RNF14: variants seen among roughly 807,000 people sequenced by gnomAD.
RNF14 encodes the protein ring finger protein 14.
In RNF14, 26 loss-of-function variants were observed where a neutral mutation model predicts 52.6. The observed-to-expected ratio is 0.49, with a 90% CI of 0.36 to 0.69. The LOEUF is 0.69. Ranked by LOEUF, RNF14 falls within the 30% of genes least tolerant of loss-of-function variation. The pLI, the probability that RNF14 is intolerant of heterozygous loss-of-function variation, is 0.00. For missense variants in RNF14, 404 were observed against 560.4 expected (o/e 0.72, Z 2.82); for synonymous variants, 194 against 202.0 (o/e 0.96, Z 0.34).
upstream of RNF14, among the ~76,000 whole-genome samples, chr5:141,965,669 C>A (rs1022356952): frequency 6.6e-6 from 1 of 152,118 alleles, no homozygotes; most frequent in Non-Finnish European, 1.5e-5. Flanking sequence ...ACTGGCCAAA[C>A]CTTAGTGCCT....
chr5:141,958,345 C>A, exon 1 of RNF14: 1 of 157,748 alleles, frequency 6.3e-6, no homozygotes, highest in South Asian at 1.9e-4. Context: ...GAGGCCGGGG[C>A]TCCGGGGACA....
At chr5:141,949,709 T>G in the RNF14 span, 5 of 1,092,784 alleles carry the variant, frequency 4.6e-6, no homozygotes, top group Non-Finnish European at 6.5e-6. Flanking sequence ...GCCTCTAGAG[T>G]CAGACCAACC....
upstream of RNF14, among the ~76,000 whole-genome samples, chr5:141,953,836 T>C (rs1262080446): frequency 1.3e-5 from 2 of 152,158 alleles, no homozygotes; most frequent in African/African-American, 4.8e-5. Context: ...GAGGAGGGAA[T>C]AGGGAAGGAA....
intron 8 of RNF14, among the ~76,000 whole-genome samples, chr5:141,987,184 G>C (rs182298210): frequency 1.1e-4 from 17 of 152,298 alleles, no homozygotes; most frequent in Admixed American, 3.9e-4. Context: ...AGTGAGGGAG[G>C]GGGGTATGAC....
chr5:141,955,802 G>C (rs762460872), upstream of RNF14: 6 of 1,613,742 alleles, frequency 3.7e-6, no homozygotes, highest in East Asian at 2.2e-5. This position sits in a 1 kb window ranked among gnomAD's most constrained non-coding sequence, Gnocchi z 5.5. Context: ...GTCTGTAAGG[G>C]GGGGCTTCCC....
chr5:141,956,578 T>A, upstream of RNF14: 1 of 1,614,200 alleles, frequency 6.2e-7, no homozygotes, highest in Non-Finnish European at 8.5e-7. Flanking sequence ...GAGGGTATAT[T>A]TGGGCCACTG....
At chr5:141,956,889 A>T, upstream of RNF14, 1 of 1,614,190 alleles carries the variant, frequency 6.2e-7, no homozygotes, top group Non-Finnish European at 8.5e-7. Context: ...TTGCCTGAAC[A>T]TCCACCTCGT....
intron 6 of RNF14, chr5:141,981,669 T>C (rs1201344995): frequency 6.6e-6 from 1 of 151,816 alleles, no homozygotes; most frequent in African/African-American, 2.4e-5. Context: ...TTTGACACTA[T>C]GGCAAAACCC....
Position 141,978,778 on chromosome 5 carries a change from A to G in RNF14, c.782A>G (p.Gln261Arg), listed in dbSNP as rs1288805276. The change falls in exon 5 of 9, where the codon CAA becomes CGA. Residue 261 changes from glutamine (Q) to arginine (R), a missense_variant. Physicochemically the swap from Gln to Arg is conservative, Grantham distance 43 (BLOSUM62 1). Transcript: ENST00000394520. ...FEIQIRDGQV[Q>R]CLNCPEPKCP... ...ATCCAGATCAGAGATGGCCAGGTTC[A>G]ATGCCTCAACTGCCCAGAACCAAAG... 1.9e-6 allele frequency: 3 copies of G among 1,613,988 alleles called. No individual in the cohort carries two copies. Among genetic ancestry groups the G allele is most frequent in the East Asian group, 2.2e-5 (1 of 44,890 alleles).
At chr5:141,985,372 C>A (rs252102) in intron 8 of RNF14, among the ~76,000 whole-genome samples, 82,063 of 152,020 alleles carry the variant, frequency 0.54, 23,807 homozygotes, top group East Asian at 0.98. Flanking sequence ...ATGATAGTGG[C>A]ATACTATTAT....
At chr5:141,963,761 T>C (rs1041455427), upstream of RNF14, among the ~76,000 whole-genome samples, 1 of 152,228 alleles carries the variant, frequency 6.6e-6, no homozygotes, top group East Asian at 1.9e-4. Flanking sequence ...TTTTTCTTCA[T>C]ATAGAATCTA....
the RNF14 span, chr5:141,949,490 G>A: frequency 1.2e-6 from 2 of 1,613,990 alleles, no homozygotes; most frequent in South Asian, 1.1e-5. Context: ...TCACAGAGAG[G>A]TCCTCTTCAG....
rs747659249 is a variant in RNF14 at position 141,973,651 on chromosome 5, T to C, written c.63T>C (p.Asp21=). The change falls in exon 3 of 9, where the codon GAT becomes GAC. Residue 21 remains aspartate, a synonymous_variant. Transcript: ENST00000394520. ...DELLALASIY[D]GDEFRKAESV... ...TGCTGGCCCTGGCAAGTATTTACGA[T>C]GGAGATGAATTTAGAAAAGCAGAGT... The C allele has an allele frequency of 3.1e-6, 5 of 1,613,862 alleles. No individual in the cohort carries two copies. Among genetic ancestry groups the C allele is most frequent in the East Asian group, 4.5e-5 (2 of 44,888 alleles).
intron 6 of RNF14, chr5:141,981,533 A>G (rs1278208350): frequency 1.3e-5 from 2 of 152,198 alleles, no homozygotes; most frequent in Admixed American, 1.3e-4. Flanking sequence ...GGCCTTTACC[A>G]TAAATAGTTT....
intron 8 of RNF14, among the ~76,000 whole-genome samples, chr5:141,987,383 C>G (rs112460925): frequency 6.9e-4 from 105 of 152,250 alleles, no homozygotes; most frequent in African/African-American, 2.5e-3. Context: ...TATTTTGTCC[C>G]ATATCATTGC....
intron 2 of RNF14, among the ~76,000 whole-genome samples, chr5:141,971,512 G>A (rs376040702): frequency 1.3e-5 from 2 of 150,384 alleles, no homozygotes; most frequent in African/African-American, 4.9e-5. Flanking sequence ...GGGATTACGG[G>A]CATGAGCCAC....
intron 8 of RNF14, 52 bp downstream of exon 8, chr5:141,984,985 T>G (rs751093159): frequency 1.3e-6 from 2 of 1,510,124 alleles, no homozygotes; most frequent in Non-Finnish European, 1.8e-6. Flanking sequence ...GGTACTTGAT[T>G]TGCAGACCAC....
At chr5:141,949,529 G>C in the RNF14 span, 1 of 1,614,178 alleles carries the variant, frequency 6.2e-7, no homozygotes, top group Non-Finnish European at 8.5e-7. Context: ...CCTGTTCTGG[G>C]TCTGTCTGGC....
chr5:141,956,179 G>T (rs1596647156), upstream of RNF14: 2 of 1,614,170 alleles, frequency 1.2e-6, no homozygotes, highest in Non-Finnish European at 1.7e-6. Context: ...ATTATCATTG[G>T]CATCCAAGAG....
Sources: gnomAD v4.1 joint callset for allele counts (sites outside exome capture counted in the v4.1 genomes callset) on GRCh38, gnomAD v4.1.1 for gene constraint, Gnocchi (gnomAD v3.1) non-coding constraint, MANE v1.5 for transcripts, NCBI Gene and HGNC (gene_info 2026-07-23, HGNC 2026-07-21) for gene names.